The following DOCK5 variants were observed in gnomAD, a reference collection of about 807,000 sequenced individuals.
The protein encoded by DOCK5 is dedicator of cytokinesis 5.
In DOCK5, 142 loss-of-function variants were observed where a neutral mutation model predicts 251.8. The observed-to-expected ratio is 0.56, with a 90% confidence interval of 0.49 to 0.65. The LOEUF is 0.65. Among genes scored for constraint, DOCK5 ranks in the 30% least tolerant of loss-of-function variants. The probability of loss-of-function intolerance (pLI) is 0.00; values close to 1 mark genes in which losing one functional copy is unlikely to be tolerated. For missense variants in DOCK5, 2,111 were observed against 2,312.3 expected (o/e 0.91, Z 1.79); for synonymous variants, 842 against 835.5 (o/e 1.01, Z -0.13).
chr8:25,241,034 C>G (rs1261697252), intron 1 of DOCK5, among the ~76,000 whole-genome samples: 1 of 152,166 alleles, frequency 6.6e-6, no homozygotes, highest in African/African-American at 2.4e-5. Flanking sequence ...CTCTTTCTCT[C>G]TTATAAAGAT....
Position 25,341,753 on chromosome 8 carries a change from G to A in DOCK5, c.2454G>A (p.Lys818=). 1 of 1,578,494 alleles carries A rather than the reference G, an allele frequency of 6.3e-7. No individual in the cohort carries two copies. The highest frequency in any genetic ancestry group is 1.2e-5 in the South Asian group (1 of 86,326). Residue 818 remains lysine (K), a synonymous_variant, in exon 24 of 52, where the codon AAG becomes AAA. Coordinates refer to ENST00000276440, the MANE Select transcript of DOCK5 (RefSeq NM_024940.8). ...EAVKIKGAAL[K]YLPSIINDVK... is the part of the protein sequence containing the mutation. ...TTTTCTTACAGGGGGCAGCTTTGAA[G>A]TACCTTCCTAGCATAATTAATGATG...
At chr8:25,332,770 G>T (rs1048159257) in intron 20 of DOCK5, 78 bp downstream of exon 20, 14 of 1,045,844 alleles carry the variant, frequency 1.3e-5, no homozygotes, top group Non-Finnish European at 1.8e-5. Context: ...ATAAGTGATT[G>T]TGTGAATATC....
At chr8:25,279,900 C>T (rs113195928) in intron 5 of DOCK5, among the ~76,000 whole-genome samples, 7 of 152,010 alleles carry the variant, frequency 4.6e-5, no homozygotes, top group African/African-American at 1.4e-4. Flanking sequence ...GTTGAGATTA[C>T]AGGAGTGAGC....
At position 25,254,787 on chromosome 8, in the gene DOCK5, AC is replaced by A. The variant is rs375868593; in HGVS notation, c.127+11031del. Among the ~76,000 whole-genome samples, 797 of 130,216 alleles carry A rather than the reference AC, an allele frequency of 6.1e-3. 261 individuals are homozygous for A. Among genetic ancestry groups the A allele is most frequent in the African/African-American group, 0.014 (423 of 30,320 alleles). 85.4% of individuals were successfully genotyped at this position (130,216 alleles called of 152,430 possible). ...AGACTTTGTCTCAAAAAAAAACAAA[AC>A]AAAACAAAAAAAAAAAACATTTGAT... On this transcript the variant is annotated intron_variant, in intron 2 of 51. Transcript: ENST00000276440.
intron 9 of DOCK5, among the ~76,000 whole-genome samples, chr8:25,301,683 T>C (rs151193091): frequency 1.5e-5 from 2 of 133,286 alleles, no homozygotes; most frequent in Non-Finnish European, 3.2e-5. Flanking sequence ...CCAGCCTGGA[T>C]AACATAGGGA....
At chr8:25,362,439 TTTC>T (rs898478491) in intron 28 of DOCK5, among the ~76,000 whole-genome samples, 23 of 110,720 alleles carry the variant, frequency 2.1e-4, no homozygotes, top group African/African-American at 7.5e-4. Context: ...TTTTTCCTTT[TTTC>T]TTTTCTTTTC....
chr8:25,198,001 C>T (rs1401152222), intron 1 of DOCK5, among the ~76,000 whole-genome samples: 2 of 152,108 alleles, frequency 1.3e-5, no homozygotes, highest in East Asian at 1.9e-4. Flanking sequence ...CCGCCTGCGT[C>T]GGCCTCCCAA....
chr8:25,198,861 G>C (rs1446630042), intron 1 of DOCK5, among the ~76,000 whole-genome samples: 2 of 152,228 alleles, frequency 1.3e-5, no homozygotes, highest in Non-Finnish European at 2.9e-5. Flanking sequence ...GGTTGGAAGA[G>C]TAAATTCTCC....
At chr8:25,229,626 G>A (rs745815979) in intron 1 of DOCK5, among the ~76,000 whole-genome samples, 6 of 152,036 alleles carry the variant, frequency 3.9e-5, no homozygotes, top group African/African-American at 2.4e-5. Context: ...AATTGATTGC[G>A]ACTAATTGTA....
At chr8:25,289,876 A>G (rs1261486472) in intron 5 of DOCK5, among the ~76,000 whole-genome samples, 1 of 152,070 alleles carries the variant, frequency 6.6e-6, no homozygotes, top group Non-Finnish European at 1.5e-5. Context: ...GATTCATAGT[A>G]TATGTGGATT....
At position 25,364,642 on chromosome 8, in the gene DOCK5, A is replaced by G. The variant is rs139275574; in HGVS notation, c.3061A>G (p.Ile1021Val). ...MTQNRVFLRA[I>V]NQFAEVLTRF... Reference sequence around the variant, plus strand: ...CTTCCGCAGGGTTTTTCTCCGTGCTATAAATCAGTTTGCTGAAGTTCTCAC... The same window carrying G: ...CTTCCGCAGGGTTTTTCTCCGTGCTGTAAATCAGTTTGCTGAAGTTCTCAC... The change falls in exon 30 of 52, where the codon ATA (isoleucine) becomes GTA (valine). Residue 1021 changes from isoleucine to valine, a missense_variant. Around this residue, in one of 3 missense-constraint regions of DOCK5, gnomAD observed 1,717 missense variants for 1,892.4 expected, o/e 0.91. Coordinates refer to ENST00000276440, the MANE Select transcript of DOCK5 (RefSeq NM_024940.8). 81 of 1,601,160 alleles carry G rather than the reference A, an allele frequency of 5.1e-5. No homozygotes were observed. The African/African-American group carries it at 8.0e-4, about 16-fold the overall frequency.
At chr8:25,283,264 T>C (rs772613313) in intron 5 of DOCK5, among the ~76,000 whole-genome samples, 1 of 152,124 alleles carries the variant, frequency 6.6e-6, no homozygotes, top group Non-Finnish European at 1.5e-5. Flanking sequence ...TGGATTATCT[T>C]CCCCAGTGGG....
chr8:25,363,155 T>C lies in DOCK5; in HGVS notation c.3044+14T>C, dbSNP rs1800717308. ...GACTCAAAACAGGTGAGACAGCCCATGGCTGGCCCTGAGGCATTTGTCTGA... is the reference window on the plus strand; with the variant it reads ...GACTCAAAACAGGTGAGACAGCCCACGGCTGGCCCTGAGGCATTTGTCTGA... On this transcript the variant is annotated intron_variant, in intron 29 of 51. Transcript: ENST00000276440. 2 of 1,609,992 alleles carry C rather than the reference T, an allele frequency of 1.2e-6. No individual in the cohort carries two copies. The highest frequency in any genetic ancestry group is 1.3e-5 in the African/African-American group (1 of 74,842).
intron 2 of DOCK5, among the ~76,000 whole-genome samples, 174 bp downstream of exon 2, chr8:25,243,931 G>C (rs926782352): frequency 2.6e-5 from 4 of 152,206 alleles, no homozygotes; most frequent in Admixed American, 6.5e-5. Context: ...TTTCAAAACA[G>C]CCAGCTGAGT....
chr8:25,258,720 G>A (rs115528968), intron 2 of DOCK5, among the ~76,000 whole-genome samples: 155 of 152,286 alleles, frequency 1.0e-3, no homozygotes, highest in African/African-American at 3.7e-3. Context: ...CTAGCCAGTG[G>A]CTCAAGAACA....
At chr8:25,376,267 A>G (rs1353218159) in intron 37 of DOCK5, 28 of 985,178 alleles carry the variant, frequency 2.8e-5, no homozygotes, top group Non-Finnish European at 3.1e-5. Flanking sequence ...TCCTGGTGTA[A>G]GATATGAGGT....
intron 27 of DOCK5, among the ~76,000 whole-genome samples, chr8:25,358,094 A>G (rs934937087): frequency 3.9e-5 from 6 of 152,130 alleles, no homozygotes; most frequent in African/African-American, 1.4e-4. Context: ...AAGCGGTATC[A>G]GGTTGTATTA....
In DOCK5 at chr8:25,321,017, T is replaced by A; in HGVS notation, c.1580T>A (p.Ile527Lys). 6.2e-7 allele frequency: 1 copy of A among 1,613,646 alleles called. No individual in the cohort carries two copies. The highest frequency in any genetic ancestry group is 8.5e-7 in the Non-Finnish European group (1 of 1,179,800). Reference protein sequence around the residue: ...IAIEEVTRCHIRFTFRHRSSQ... With the variant: ...IAIEEVTRCHKRFTFRHRSSQ... ...ATAGAAGAAGTCACACGCTGTCATATAAGATTTACCTTCCGACACAGGTCA... is the reference window on the plus strand; with the variant it reads ...ATAGAAGAAGTCACACGCTGTCATAAAAGATTTACCTTCCGACACAGGTCA... The change falls in exon 16 of 52, where the codon ATA becomes AAA. Residue 527 changes from isoleucine to lysine, a missense_variant. By Grantham distance (102) the Ile-to-Lys change is moderately radical. This residue lies in a region of DOCK5 where 1,717 missense variants were observed against 1,892.4 expected (regional missense o/e 0.91). Coordinates refer to ENST00000276440, the MANE Select transcript of DOCK5 (RefSeq NM_024940.8).
chr8:25,304,203 T>G, intron 10 of DOCK5, 52 bp from the exon 11 acceptor site: 2 of 1,454,090 alleles, frequency 1.4e-6, no homozygotes, highest in Admixed American at 4.3e-5. Flanking sequence ...CATAGTAACT[T>G]ACTGAGGCAT....
Sources: gnomAD v4.1 joint callset for allele counts (sites outside exome capture counted in the v4.1 genomes callset) on GRCh38, gnomAD v4.1.1 for gene constraint, gnomAD v4.1.1 regional missense constraint, MANE v1.5 for transcripts, NCBI Gene and HGNC (gene_info 2026-07-23, HGNC 2026-07-21) for gene names.